Variants in POFUT1 observed in about 807,000 individuals in gnomAD.
POFUT1 encodes the protein protein O-fucosyltransferase 1.
Under a neutral mutation model 42.4 loss-of-function variants are expected in POFUT1, and 16 were observed. The ratio of observed to expected loss-of-function variants is 0.38; its 90% confidence interval spans 0.26 to 0.57. The LOEUF is 0.57. Among genes scored for constraint, POFUT1 ranks in the 20% least tolerant of loss-of-function variants. POFUT1 has a pLI of 0.71. For synonymous variants in POFUT1, 206 were observed against 205.4 expected, an observed-to-expected ratio of 1.00 and a Z score of -0.03; for missense variants, 470 against 504.6, an observed-to-expected ratio of 0.93 and a Z score of 0.66.
chr20:32,228,170 G>C, intron 4 of POFUT1, 93 bp from the exon 5 acceptor site: 1 of 1,007,844 alleles, frequency 9.9e-7, no homozygotes, highest in Non-Finnish European at 1.5e-6. Context: ...CAGGGTCTCT[G>C]GGGCATGGTG....
At chr20:32,221,503 A>G (rs1320438031) in intron 4 of POFUT1, among the ~76,000 whole-genome samples, 3 of 152,092 alleles carry the variant, frequency 2.0e-5, no homozygotes, top group African/African-American at 7.2e-5. Context: ...GCTTGAGCCC[A>G]GGAGTTCAAG....
intron 4 of POFUT1, chr20:32,222,484 TA>T: frequency 3.8e-6 from 2 of 526,064 alleles, no homozygotes; most frequent in Non-Finnish European, 4.9e-6. Flanking sequence ...AAGTCCATTA[TA>T]ACCCTTTTGC....
Position 32,215,383 on chromosome 20 carries a change from A to G in POFUT1, c.361A>G (p.Lys121Glu), listed in dbSNP as rs1259634021. ...KLAPTHWPPE[K>E]RVAYCFEVAA... is the part of the protein sequence containing the mutation. Reference sequence around the variant, plus strand: ...GGCACCCACCCACTGGCCCCCTGAGAAGCGGGTGGCATACTGCTTTGAGGT... The same window carrying G: ...GGCACCCACCCACTGGCCCCCTGAGGAGCGGGTGGCATACTGCTTTGAGGT... Residue 121 changes from lysine to glutamate, a missense_variant, in exon 3 of 7, where the codon AAG becomes GAG. Lys to Glu is a moderately conservative substitution (Grantham distance 56). Transcript: ENST00000375749. The G allele has an allele frequency of 2.5e-6, 4 of 1,614,024 alleles. No individual in the cohort carries two copies. The highest frequency in any genetic ancestry group is 1.1e-5 in the South Asian group (1 of 91,070).
intron 2 of POFUT1, among the ~76,000 whole-genome samples, chr20:32,213,111 C>T (rs2047338914): frequency 6.6e-6 from 1 of 151,746 alleles, no homozygotes; most frequent in Non-Finnish European, 1.5e-5. Flanking sequence ...GTCTCCAACT[C>T]CTGACCTCAG....
intron 6 of POFUT1, among the ~76,000 whole-genome samples, chr20:32,232,065 C>T (rs1445979713): frequency 2.6e-5 from 4 of 152,270 alleles, no homozygotes; most frequent in Admixed American, 6.5e-5. Flanking sequence ...CACTGGGTAC[C>T]GCTGGCTTTA....
At chr20:32,223,477 A>G in intron 4 of POFUT1, 1 of 985,396 alleles carries the variant, frequency 1.0e-6, no homozygotes, top group South Asian at 4.7e-5. Flanking sequence ...GGTTGGCTGC[A>G]GGTGCTTTCC....
intron 4 of POFUT1, chr20:32,222,487 C>A: frequency 1.8e-6 from 1 of 540,640 alleles, no homozygotes; most frequent in Non-Finnish European, 2.4e-6. Context: ...TCCATTATAA[C>A]CCTTTTGCTT....
At chr20:32,214,174 G>C (rs2047346087) in intron 2 of POFUT1, among the ~76,000 whole-genome samples, 1 of 151,918 alleles carries the variant, frequency 6.6e-6, no homozygotes, top group Admixed American at 6.6e-5. Flanking sequence ...GCCCAGGCTA[G>C]AGTACAGTGG....
chr20:32,232,382 A>G (rs1329419275), intron 6 of POFUT1, among the ~76,000 whole-genome samples: 1 of 152,190 alleles, frequency 6.6e-6, no homozygotes, highest in Non-Finnish European at 1.5e-5. Context: ...GAGAGATCTC[A>G]GGGGTTGTCT....
At chr20:32,219,495 A>G (rs201232265) in intron 4 of POFUT1, among the ~76,000 whole-genome samples, 2 of 148,226 alleles carry the variant, frequency 1.3e-5, no homozygotes, top group East Asian at 4.0e-4. Flanking sequence ...AAAACGTAGT[A>G]GCATAACAAC....
At position 32,236,382 on chromosome 20, in the gene POFUT1, G is replaced by C. The variant is rs1450303969; in HGVS notation, c.*1721G>C. Reference sequence around the variant, plus strand: ...AGACAGGGCCTTGCTCTGTCTCCCAGGCTGGAGTGCAGTGGCATGATCATG... The same window carrying C: ...AGACAGGGCCTTGCTCTGTCTCCCACGCTGGAGTGCAGTGGCATGATCATG... On this transcript the variant is annotated 3_prime_UTR_variant, in exon 7 of 7. Coordinates refer to ENST00000375749, the MANE Select transcript of POFUT1 (RefSeq NM_015352.2). 1.3e-5 allele frequency: 2 copies of C among 152,252 alleles called. No homozygotes were observed. The highest frequency in any genetic ancestry group is 2.9e-5 in the Non-Finnish European group (2 of 68,146). The allele number at this position is 152,252 out of a possible 1,614,324, so 9.4% of individuals were successfully genotyped here.
In POFUT1 at chr20:32,234,742, A is replaced by C; in HGVS notation, c.*81A>C. On this transcript the variant is annotated 3_prime_UTR_variant, in exon 7 of 7. Transcript: ENST00000375749. ...CCTTCCAGCCAGGCCTGGCAGCCAGAGGTGCTCCGGGATTGCAAACTCCTC... is the reference window on the plus strand; with the variant it reads ...CCTTCCAGCCAGGCCTGGCAGCCAGCGGTGCTCCGGGATTGCAAACTCCTC... 1 of 1,312,776 alleles carries C rather than the reference A, an allele frequency of 7.6e-7. No homozygotes were observed. Among genetic ancestry groups the C allele is most frequent in the South Asian group, 1.4e-5 (1 of 69,844 alleles). 81.3% of individuals were successfully genotyped at this position (1,312,776 alleles called of 1,614,324 possible). A position where few individuals can be genotyped will look rare whatever the true frequency, so the allele number is the denominator to read the frequency against.
rs1391636927 is a variant in POFUT1, at chr20:32,236,701, G to A, written c.*2040G>A. The A allele has an allele frequency of 6.6e-6, 1 of 152,194 alleles. No individual in the cohort carries two copies. The highest frequency in any genetic ancestry group is 1.5e-5 in the Non-Finnish European group (1 of 68,038). 9.4% of individuals were successfully genotyped at this position (152,194 alleles called of 1,614,324 possible). On this transcript the variant is annotated 3_prime_UTR_variant, in exon 7 of 7. Coordinates refer to ENST00000375749, the MANE Select transcript of POFUT1 (RefSeq NM_015352.2). ...GTATATAAGAGCACGTTGTAAACTTGAAAGAGACAAAGGCACAAATGTGGC... is the reference window on the plus strand; with the variant it reads ...GTATATAAGAGCACGTTGTAAACTTAAAAGAGACAAAGGCACAAATGTGGC...
intron 4 of POFUT1, among the ~76,000 whole-genome samples, chr20:32,221,326 G>A (rs962567001): frequency 3.3e-5 from 5 of 152,138 alleles, no homozygotes; most frequent in African/African-American, 1.2e-4. Context: ...GTGCGATTAG[G>A]CAGCTGCTCC....
chr20:32,222,367 T>C (rs934270005), intron 4 of POFUT1, among the ~76,000 whole-genome samples: 6 of 152,136 alleles, frequency 3.9e-5, no homozygotes, highest in African/African-American at 1.4e-4. Context: ...AGCTTTTCTA[T>C]CACCTCATGG....
chr20:32,234,783 G>A lies in POFUT1; in HGVS notation c.*122G>A, dbSNP rs566753488. Reference sequence around the variant, plus strand: ...CAAACTCCTCTTCTCACCTGCCAAAGATGGAGAAGAGTGCCAGGGACCCCT... The same window carrying A: ...CAAACTCCTCTTCTCACCTGCCAAAAATGGAGAAGAGTGCCAGGGACCCCT... On this transcript the variant is annotated 3_prime_UTR_variant, in exon 7 of 7. Coordinates refer to ENST00000375749, the MANE Select transcript of POFUT1 (RefSeq NM_015352.2). 1.2e-6 allele frequency: 1 copy of A among 848,006 alleles called. No homozygotes were observed. Among genetic ancestry groups the A allele is most frequent in the East Asian group, 2.7e-5 (1 of 37,606 alleles). The allele number at this position is 848,006 out of a possible 1,614,324, so 52.5% of individuals were successfully genotyped here.
intron 5 of POFUT1, among the ~76,000 whole-genome samples, chr20:32,230,247 C>T (rs1027443281): frequency 2.0e-5 from 3 of 151,888 alleles, no homozygotes; most frequent in South Asian, 2.1e-4. Context: ...ATTAGCTGGG[C>T]GTGGTGGTGG....
intron 4 of POFUT1, chr20:32,223,421 G>C (rs2047399989): frequency 1.0e-6 from 1 of 985,422 alleles, no homozygotes; most frequent in Non-Finnish European, 1.2e-6. Flanking sequence ...TGCTGGTCCA[G>C]ATCCAGGTAG....
At position 32,215,458 on chromosome 20, in the gene POFUT1, C is replaced by T; in HGVS notation, c.429+7C>T. The T allele has an allele frequency of 6.2e-7, 1 of 1,600,062 alleles. No homozygotes were observed. The highest frequency in any genetic ancestry group is 8.6e-7 in the Non-Finnish European group (1 of 1,169,448). ...GAAGACGTGCCCCATGAAGGTGGGT[C>T]CTGTGGGTTCGGGGGCCCTTTCTTC... On this transcript the variant is annotated splice_region_variant and intron_variant, in intron 3 of 6. Coordinates refer to ENST00000375749, the MANE Select transcript of POFUT1 (RefSeq NM_015352.2).
Sources: allele counts gnomAD v4.1 joint callset (sites outside exome capture counted in the v4.1 genomes callset), GRCh38; gene constraint gnomAD v4.1.1; transcripts MANE v1.5; gene names NCBI Gene and HGNC (gene_info 2026-07-23, HGNC 2026-07-21).